GNS: variants seen among roughly 807,000 people sequenced by gnomAD.
The protein encoded by GNS is glucosamine (N-acetyl)-6-sulfatase.
GNS carries 40 observed loss-of-function variants against 69.7 expected under a neutral mutation model. The observed-to-expected ratio is 0.57, with a 90% CI of 0.45 to 0.75. The LOEUF is 0.75. Among genes scored for constraint, GNS ranks in the 30% least tolerant of loss-of-function variants. The pLI is 0.00. For missense variants in GNS, 565 were observed against 685.5 expected (o/e 0.82, Z 1.96); for synonymous variants, 243 against 251.6 (o/e 0.97, Z 0.32).
rs1869417194 is a variant in GNS, at chr12:64,732,162, T to TTTTC, written c.1099-3106_1099-3105insGAAA. Among the ~76,000 whole-genome samples, 2 of 95,004 alleles carry TTTTC rather than the reference T, an allele frequency of 2.1e-5. 1 individual carries two copies. Among genetic ancestry groups the TTTTC allele is most frequent in the East Asian group, 1.0e-3 (2 of 1,942 alleles). The allele number at this position is 95,004 out of a possible 152,430, so 62.3% of individuals were successfully genotyped here. On this transcript the variant is annotated intron_variant, in intron 9 of 13. Coordinates refer to ENST00000258145, the MANE Select transcript of GNS (RefSeq NM_002076.4). ...CCACCACACCTGGCTAATTTTTTTT[T>TTTTC]TTTGTTGTTTTTTTTTTTTTTTTGA... is the stretch of plus-strand genomic sequence containing the variant.
chr12:64,753,342 CAG>C (rs936707986), intron 1 of GNS, among the ~76,000 whole-genome samples: 4 of 152,198 alleles, frequency 2.6e-5, no homozygotes, highest in Admixed American at 2.0e-4. Flanking sequence ...AAAGGCTACT[CAG>C]AAACTATTTT....
chr12:64,754,323 C>CTACTT (rs781107895), intron 1 of GNS, among the ~76,000 whole-genome samples: 11 of 152,228 alleles, frequency 7.2e-5, no homozygotes, highest in Non-Finnish European at 1.3e-4. Context: ...GAAAGGGGAA[C>CTACTT]TACTTTAGAT....
At position 64,747,771 on chromosome 12, in the gene GNS, C is replaced by T. The variant is rs1869939685; in HGVS notation, c.400G>A (p.Ala134Thr). ...QKIQEPNTFP[A>T]ILRSMCGYQT... The stretch of plus-strand genomic sequence containing the variant: ...TAACCACACATTGATCTGAGAATTG[C>T]TGGGAAAGTATTTGGTTCTTGGATC... Residue 134 changes from alanine to threonine, a missense_variant, in exon 3 of 14, where the codon GCA becomes ACA. Ala to Thr is a moderately conservative substitution (Grantham distance 58). This residue lies in a region of GNS where 181 missense variants were observed against 174.4 expected (regional missense o/e 1.04). Transcript: ENST00000258145. The T allele has an allele frequency of 1.2e-6, 2 of 1,612,858 alleles. No individual in the cohort carries two copies. Among genetic ancestry groups the T allele is most frequent in the African/African-American group, 2.7e-5 (2 of 74,886 alleles).
intron 10 of GNS, among the ~76,000 whole-genome samples, chr12:64,726,573 C>T (rs1044220229): frequency 6.6e-6 from 1 of 152,190 alleles, no homozygotes; most frequent in Non-Finnish European, 1.5e-5. Flanking sequence ...CTGCTCACTA[C>T]AACCTCCACC....
rs1869577417 is a variant in GNS at position 64,737,080 on chromosome 12, C to T, written c.1022G>A (p.Arg341Lys). 1 of 1,592,880 alleles carries T rather than the reference C, an allele frequency of 6.3e-7. No homozygotes were observed. The highest frequency in any genetic ancestry group is 1.7e-5 in the Admixed American group (1 of 59,978). The change falls in exon 9 of 14, where the codon AGA becomes AAA. Residue 341 changes from arginine (R) to lysine (K), a missense_variant. Arg to Lys is a conservative substitution (Grantham distance 26). Transcript: ENST00000258145. The stretch of plus-strand genomic sequence containing the variant: ...TTTGATATCAAACTCATACAGCTGT[C>T]TCTTGTCTATTGGCAAGGAAAACTG... ...TGQFSLPIDK[R>K]QLYEFDIKVP... is the part of the protein sequence containing the mutation.
At chr12:64,759,014 CG>C in intron 1 of GNS, 70 bp downstream of exon 1, 2 of 1,293,242 alleles carry the variant, frequency 1.5e-6, no homozygotes, top group Non-Finnish European at 2.2e-6. Context: ...TGGTGGGGAC[CG>C]GGAAAGAGAG....
At chr12:64,752,925 C>CG (rs1398982801) in intron 1 of GNS, 168 bp from the exon 2 acceptor site, 15 of 629,236 alleles carry the variant, frequency 2.4e-5, no homozygotes, top group Non-Finnish European at 3.1e-5. Flanking sequence ...AGTTTGGTTC[C>CG]GGCCAGCTCC....
At chr12:64,736,357 C>A (rs191581144) in intron 9 of GNS, among the ~76,000 whole-genome samples, 1 of 152,172 alleles carries the variant, frequency 6.6e-6, no homozygotes, top group South Asian at 2.1e-4. Flanking sequence ...TAAGGAAGAG[C>A]CCAGCACAGG....
chr12:64,744,218 T>A (rs1422813939), intron 5 of GNS, among the ~76,000 whole-genome samples: 1 of 152,248 alleles, frequency 6.6e-6, no homozygotes, highest in Non-Finnish European at 1.5e-5. Flanking sequence ...TGTGTGTGTT[T>A]GTGTGTGTAA....
intron 13 of GNS, among the ~76,000 whole-genome samples, chr12:64,718,993 C>G (rs1387495266): frequency 1.3e-5 from 2 of 152,084 alleles, no homozygotes; most frequent in Non-Finnish European, 2.9e-5. Context: ...AATTCTTGAC[C>G]ATTCTTATTG....
chr12:64,737,032 G>C lies in GNS; in HGVS notation c.1070C>G (p.Pro357Arg). 6.3e-7 allele frequency: 1 copy of C among 1,595,012 alleles called. No homozygotes were observed. The highest frequency in any genetic ancestry group is 8.6e-7 in the Non-Finnish European group (1 of 1,162,600). The change falls in exon 9 of 14, where the codon CCT (proline) becomes CGT (arginine). Residue 357 changes from proline to arginine, a missense_variant. By Grantham distance (103) the Pro-to-Arg change is moderately radical. This residue lies in a region of GNS where 384 missense variants were observed against 511.0 expected (regional missense o/e 0.75). Coordinates refer to ENST00000258145, the MANE Select transcript of GNS (RefSeq NM_002076.4). ...GCTTGTCTGATTTGGTTTGATCCCAGGTCCTCGAACCAACAGTGGAACTTT... is the reference window on the plus strand; with the variant it reads ...GCTTGTCTGATTTGGTTTGATCCCACGTCCTCGAACCAACAGTGGAACTTT... ...DIKVPLLVRG[P>R]GIKPNQTSKM...
intron 9 of GNS, among the ~76,000 whole-genome samples, chr12:64,735,497 A>G (rs975634237): frequency 6.6e-5 from 10 of 152,250 alleles, no homozygotes; most frequent in African/African-American, 2.4e-4. Flanking sequence ...CAGGAACCAG[A>G]CTTCATTTAG....
chr12:64,749,767 A>C (rs2136251173), intron 2 of GNS, among the ~76,000 whole-genome samples: 1 of 152,178 alleles, frequency 6.6e-6, no homozygotes, highest in Admixed American at 6.5e-5. Flanking sequence ...TTGACTTCTT[A>C]AGTTTAAATT....
chr12:64,759,231 G>C lies in GNS; in HGVS notation c.46C>G (p.Pro16Ala). Residue 16 changes from proline to alanine, a missense_variant, in exon 1 of 14, where the codon CCC becomes GCC. Pro to Ala is a conservative substitution (Grantham distance 27). Transcript: ENST00000258145. ...GGGCTGCAGGAGGGCAGGTGGCGGG[G>C]GCTGCCCCGCCGGAGCCGACCTGGG... Reference protein sequence around the residue: ...LAPGRLRRGSPRHLPSCSPAL... With the variant: ...LAPGRLRRGSARHLPSCSPAL... 1 of 1,544,356 alleles carries C rather than the reference G, an allele frequency of 6.5e-7. No individual in the cohort carries two copies. The highest frequency in any genetic ancestry group is 8.7e-7 in the Non-Finnish European group (1 of 1,144,288).
chr12:64,759,175 G>A lies in GNS; in HGVS notation c.102C>T (p.Cys34=). ...PALLLLVLGG[C]LGVFGVAAGT... is the part of the protein sequence containing the mutation. ...CCGCAGCCACCCCGAAGACCCCCAGGCAGCCGCCCAGCACCAGCAGTAGCA... is the reference window on the plus strand; with the variant it reads ...CCGCAGCCACCCCGAAGACCCCCAGACAGCCGCCCAGCACCAGCAGTAGCA... The change falls in exon 1 of 14, where the codon TGC becomes TGT. Residue 34 remains cysteine (C), a synonymous_variant. Transcript: ENST00000258145. 1.3e-6 allele frequency: 2 copies of A among 1,551,862 alleles called. No homozygotes were observed. Among genetic ancestry groups the A allele is most frequent in the East Asian group, 2.4e-5 (1 of 41,292 alleles).
chr12:64,757,743 A>G (rs1042991102), intron 1 of GNS, among the ~76,000 whole-genome samples: 1 of 152,150 alleles, frequency 6.6e-6, no homozygotes, highest in African/African-American at 2.4e-5. Context: ...GACCTTTTCT[A>G]TTCTATTCTA....
In GNS at chr12:64,758,955, G is replaced by A; in HGVS notation, c.192+130C>T. 4.9e-6 allele frequency: 4 copies of A among 810,614 alleles called. No homozygotes were observed. In the Admixed American group the frequency reaches 8.0e-5, roughly 16 times the overall value. The allele number at this position is 810,614 out of a possible 1,614,324, so 50.2% of individuals were successfully genotyped here. On this transcript the variant is annotated intron_variant, in intron 1 of 13. Transcript: ENST00000258145. ...ACACCGGCATAAAGGGCCTCAGGTG[G>A]GAAAACCAAACCTACCCAAGGATAA... is the stretch of plus-strand genomic sequence containing the variant.
At chr12:64,752,331 T>G (rs1870106486) in intron 2 of GNS, among the ~76,000 whole-genome samples, 1 of 152,226 alleles carries the variant, frequency 6.6e-6, no homozygotes, top group Admixed American at 6.5e-5. Flanking sequence ...TGCATCTATA[T>G]TTATGGGGTG....
rs755021062 is a variant in GNS at position 64,729,001 on chromosome 12, G to C, written c.1155C>G (p.Asp385Glu). ...GPTILDIAGYDLNKTQMDGMS... is the reference protein window; with the variant it reads ...GPTILDIAGYELNKTQMDGMS... ...TCCCATCCATCTGTGTCTTATTTAG[G>C]TCGTAGCCAGCAATGTCCAAAATAG... Residue 385 changes from aspartate (D) to glutamate (E), a missense_variant, in exon 10 of 14, where the codon GAC becomes GAG. Coordinates refer to ENST00000258145, the MANE Select transcript of GNS (RefSeq NM_002076.4). 1 of 1,603,322 alleles carries C rather than the reference G, an allele frequency of 6.2e-7. No individual in the cohort carries two copies.
Sources: gnomAD v4.1 joint callset for allele counts (sites outside exome capture counted in the v4.1 genomes callset) on GRCh38, gnomAD v4.1.1 for gene constraint, gnomAD v4.1.1 regional missense constraint, MANE v1.5 for transcripts, NCBI Gene and HGNC (gene_info 2026-07-23, HGNC 2026-07-21) for gene names.